Variants in TPH2 observed in about 807,000 individuals in gnomAD.
The protein encoded by TPH2 is tryptophan 5-hydroxylase 2.
In TPH2, 27 loss-of-function variants were observed where a neutral mutation model predicts 59.1. That is an observed-to-expected ratio of 0.46 (90% CI 0.34 to 0.63). The LOEUF (loss-of-function observed/expected upper bound fraction) is 0.63. TPH2 is among the 30% of genes least tolerant of loss of function. The pLI is 0.01. For synonymous variants in TPH2, 220 were observed against 210.5 expected (o/e 1.05, Z -0.39); for missense variants, 523 against 588.3 (o/e 0.89, Z 1.15).
intron 8 of TPH2, among the ~76,000 whole-genome samples, chr12:72,013,697 A>G (rs9325202): frequency 0.55 from 84,333 of 152,022 alleles, 23,771 homozygotes; most frequent in South Asian, 0.66. Context: ...TATCCCTATC[A>G]TGCCTTTCTT....
chr12:71,946,854 C>A (rs558073814), intron 4 of TPH2, among the ~76,000 whole-genome samples: 1 of 152,228 alleles, frequency 6.6e-6, no homozygotes, highest in East Asian at 1.9e-4. Context: ...AACTAATCAC[C>A]TTCGAGATCA....
chr12:71,974,464 C>T (rs947336963), intron 6 of TPH2, among the ~76,000 whole-genome samples: 5 of 152,142 alleles, frequency 3.3e-5, no homozygotes, highest in African/African-American at 1.2e-4. Context: ...TTGCATCACT[C>T]CAACCTCTTG....
intron 8 of TPH2, among the ~76,000 whole-genome samples, chr12:72,005,271 A>T (rs545517266): frequency 1.7e-4 from 26 of 152,186 alleles, no homozygotes; most frequent in African/African-American, 6.0e-4. Context: ...CGTCCATAAA[A>T]AATCATCTCT....
intron 9 of TPH2, among the ~76,000 whole-genome samples, chr12:72,023,106 G>T (rs939092350): frequency 6.6e-6 from 1 of 152,052 alleles, no homozygotes; most frequent in Non-Finnish European, 1.5e-5. Context: ...TTCCAGAAAT[G>T]TTGAGACCTG....
In TPH2 at chr12:72,020,510, C is replaced by T. The variant is rs375808429; in HGVS notation, c.1069-1889C>T. ...ATTTTATTTTATTTTATTTTTGAGACGGAGTTTTGCTCTTGTTGCCCAGGC... is the reference window on the plus strand; with the variant it reads ...ATTTTATTTTATTTTATTTTTGAGATGGAGTTTTGCTCTTGTTGCCCAGGC... On this transcript the variant is annotated intron_variant, in intron 8 of 10. Transcript: ENST00000333850. 2.2e-4 allele frequency among the ~76,000 whole-genome samples: 33 copies of T among 152,054 alleles called. No homozygotes were observed. The South Asian group carries it at 4.4e-3, about 20-fold the overall frequency.
At chr12:71,976,912 G>A (rs1269233943) in intron 6 of TPH2, among the ~76,000 whole-genome samples, 1 of 152,194 alleles carries the variant, frequency 6.6e-6, no homozygotes, top group African/African-American at 2.4e-5. Context: ...CTCATATGTG[G>A]AATTTGGAAA....
intron 5 of TPH2, among the ~76,000 whole-genome samples, chr12:71,968,082 G>T (rs1249490486): frequency 1.3e-5 from 2 of 152,164 alleles, no homozygotes; most frequent in African/African-American, 2.4e-5. Flanking sequence ...TTACATGCTT[G>T]CTGGAATGTC....
At chr12:71,989,765 C>T (rs763830234) in intron 7 of TPH2, among the ~76,000 whole-genome samples, 1 of 152,096 alleles carries the variant, frequency 6.6e-6, no homozygotes, top group Non-Finnish European at 1.5e-5. Flanking sequence ...CAACCAGAAC[C>T]CTTATTTCTT....
At chr12:71,953,505 G>A (rs536738110) in intron 5 of TPH2, among the ~76,000 whole-genome samples, 2 of 152,208 alleles carry the variant, frequency 1.3e-5, no homozygotes, top group African/African-American at 2.4e-5. Context: ...TAGCAAGTAA[G>A]GTTTCCCTTC....
At chr12:71,966,976 A>G (rs527440245) in intron 5 of TPH2, among the ~76,000 whole-genome samples, 16 of 152,362 alleles carry the variant, frequency 1.1e-4, no homozygotes, top group African/African-American at 3.6e-4. Flanking sequence ...AATGTGTAAG[A>G]AAAATAGCTT....
At chr12:71,984,688 T>G (rs2139213679) in intron 7 of TPH2, among the ~76,000 whole-genome samples, 1 of 152,364 alleles carries the variant, frequency 6.6e-6, no homozygotes, top group East Asian at 1.9e-4. Flanking sequence ...CTCATCCACC[T>G]GGCTTCCTCC....
chr12:71,944,191 T>C (rs1871142934), intron 2 of TPH2, 103 bp from the exon 3 acceptor site: 1 of 1,157,752 alleles, frequency 8.6e-7, no homozygotes, highest in African/African-American at 1.5e-5. Context: ...CTCTTCCTCT[T>C]GTGTGGGTAC....
chr12:71,941,657 A>G lies in TPH2; in HGVS notation c.179A>G (p.Glu60Gly), dbSNP rs774167006. 1.2e-6 allele frequency: 2 copies of G among 1,614,118 alleles called. No homozygotes were observed. Among genetic ancestry groups the G allele is most frequent in the African/African-American group, 1.3e-5 (1 of 75,050 alleles). Residue 60 changes from glutamate to glycine, a missense_variant, in exon 2 of 11, where the codon GAA (glutamate) becomes GGA (glycine). Physicochemically the swap from Glu to Gly is moderately conservative, Grantham distance 98. Coordinates refer to ENST00000333850, the MANE Select transcript of TPH2 (RefSeq NM_173353.4). ...AGCAGCAAACGTGAAGCTGCTACCGAAAGTGGCAAGACAGCAGTTGTTTTC... is the reference window on the plus strand; with the variant it reads ...AGCAGCAAACGTGAAGCTGCTACCGGAAGTGGCAAGACAGCAGTTGTTTTC... ...KGSSKREAATESGKTAVVFSL... is the reference protein window; with the variant it reads ...KGSSKREAATGSGKTAVVFSL...
intron 7 of TPH2, among the ~76,000 whole-genome samples, chr12:71,979,804 C>T (rs533789919): frequency 1.1e-4 from 17 of 152,306 alleles, no homozygotes; most frequent in East Asian, 1.9e-4. Flanking sequence ...TGTACAGTCT[C>T]CAAGTGTGAA....
chr12:71,959,216 G>T (rs1322070111), intron 5 of TPH2, among the ~76,000 whole-genome samples: 1 of 152,142 alleles, frequency 6.6e-6, no homozygotes, highest in Non-Finnish European at 1.5e-5. Context: ...ACCTTGGAAT[G>T]AACATATTGG....
intron 8 of TPH2, among the ~76,000 whole-genome samples, chr12:72,020,633 T>C (rs1873384032): frequency 6.6e-6 from 1 of 152,178 alleles, no homozygotes; most frequent in Non-Finnish European, 1.5e-5. Flanking sequence ...GGATTACAGG[T>C]GCACCACCAC....
chr12:71,974,460 C>G (rs914671185), intron 6 of TPH2, among the ~76,000 whole-genome samples: 2 of 152,112 alleles, frequency 1.3e-5, no homozygotes, highest in Admixed American at 6.6e-5. Context: ...TTCTTTGCAT[C>G]ACTCCAACCT....
At chr12:71,940,281 C>A (rs746863181) in intron 1 of TPH2, among the ~76,000 whole-genome samples, 2 of 152,144 alleles carry the variant, frequency 1.3e-5, no homozygotes, top group Admixed American at 6.5e-5. Context: ...AACACTGAGA[C>A]ATTTGAGCTT....
intron 1 of TPH2, among the ~76,000 whole-genome samples, 166 bp downstream of exon 1, chr12:71,939,257 T>G (rs1023281518): frequency 6.6e-6 from 1 of 152,210 alleles, no homozygotes; most frequent in African/African-American, 2.4e-5. Context: ...AGTCTTCCTC[T>G]TCTCTCCATA....
Sources: gnomAD v4.1 joint callset for allele counts (sites outside exome capture counted in the v4.1 genomes callset) on GRCh38, gnomAD v4.1.1 for gene constraint, MANE v1.5 for transcripts, NCBI Gene and HGNC (gene_info 2026-07-23, HGNC 2026-07-21) for gene names.